SYAP1: variants seen among roughly 807,000 people sequenced by gnomAD.
SYAP1 encodes the protein synapse-associated protein 1.
Under a neutral mutation model 29.6 loss-of-function variants are expected in SYAP1, and 3 were observed. The ratio of observed to expected loss-of-function variants is 0.10; its 90% CI spans 0.05 to 0.26. The LOEUF (loss-of-function observed/expected upper bound fraction) is 0.26. Ranked by LOEUF, SYAP1 falls within the 10% of genes least tolerant of loss-of-function variation. The pLI is 1.00. For synonymous variants in SYAP1, 102 were observed against 102.7 expected, an observed-to-expected ratio of 0.99 and a Z score of 0.04; for missense variants, 217 against 264.1, an observed-to-expected ratio of 0.82 and a Z score of 1.24.
rs1464710049 is a variant in SYAP1 at position 16,762,089 on chromosome X, G to A, written c.*1730G>A. 1 of 112,190 alleles carries A rather than the reference G, an allele frequency of 8.9e-6. No homozygotes were observed. Among genetic ancestry groups the A allele is most frequent in the Non-Finnish European group, 1.9e-5 (1 of 53,300 alleles). The allele number at this position is 112,190 out of a possible 1,213,427, so 9.2% of individuals were successfully genotyped here. ...CACAGTTGCTTATTACTGAGTTTGG[G>A]TTCCAAGATGACTGGCAACTTCTGA... On this transcript the variant is annotated 3_prime_UTR_variant, in exon 9 of 9. Transcript: ENST00000380155.
At chrX:16,755,970 T>A (rs1299826770) in intron 6 of SYAP1, among the ~76,000 whole-genome samples, 1 of 111,875 alleles carries the variant, frequency 8.9e-6, no homozygotes, top group Admixed American at 9.6e-5. Context: ...GGACAGGATC[T>A]GACACTGCTG....
intron 5 of SYAP1, among the ~76,000 whole-genome samples, chrX:16,747,273 G>T (rs923427207): frequency 8.9e-6 from 1 of 111,868 alleles, no homozygotes; most frequent in African/African-American, 3.3e-5. Context: ...TGAAGAGTTT[G>T]TATATATAAT....
chrX:16,756,596 C>A, intron 6 of SYAP1, 67 bp from the exon 7 acceptor site: 2 of 909,565 alleles, frequency 2.2e-6, no homozygotes, highest in Non-Finnish European at 3.2e-6. Flanking sequence ...GGATATTTTA[C>A]TGTGATTATA....
intron 5 of SYAP1, among the ~76,000 whole-genome samples, chrX:16,750,451 C>G (rs561220598): frequency 9.0e-6 from 1 of 111,673 alleles, no homozygotes; most frequent in Middle Eastern, 4.6e-3. Flanking sequence ...CTGTGACCAT[C>G]TATGATGGCA....
chrX:16,760,471 C>A lies in SYAP1; in HGVS notation c.*112C>A. 2.5e-6 allele frequency: 2 copies of A among 790,396 alleles called. No individual in the cohort carries two copies. Among genetic ancestry groups the A allele is most frequent in the Non-Finnish European group, 3.4e-6 (2 of 587,626 alleles). 65.1% of individuals were successfully genotyped at this position (790,396 alleles called of 1,213,427 possible). On this transcript the variant is annotated 3_prime_UTR_variant, in exon 9 of 9. Coordinates refer to ENST00000380155, the MANE Select transcript of SYAP1 (RefSeq NM_032796.4). ...TGAAAGAGTATAATTTTATGAAATT[C>A]AAAATTATTCTTTTTTCAAGTTGAA...
chrX:16,720,109 T>C (rs1416761309), intron 1 of SYAP1, among the ~76,000 whole-genome samples: 1 of 111,908 alleles, frequency 8.9e-6, no homozygotes, highest in East Asian at 2.8e-4. Flanking sequence ...AGTCAGGTCC[T>C]GTCCCTGAAG....
rs779172555 is a variant in SYAP1, at chrX:16,748,847, C to T, written c.575+5007C>T. ...TCGGCTCACTGCAACCTCCACCTCC[C>T]GGGTTCTAGCGATTCTCCTGTGCCT... On this transcript the variant is annotated intron_variant, in intron 5 of 8. Transcript: ENST00000380155. Among the ~76,000 whole-genome samples, 6 of 108,857 alleles carry T rather than the reference C, an allele frequency of 5.5e-5. No individual in the cohort carries two copies. In the South Asian group the frequency reaches 1.2e-3, roughly 22 times the overall value. 94.5% of individuals were successfully genotyped at this position (108,857 alleles called of 115,157 possible). A position where few individuals can be genotyped will look rare whatever the true frequency, so the allele number is the denominator to read the frequency against.
intron 1 of SYAP1, among the ~76,000 whole-genome samples, chrX:16,722,266 C>T (rs1018734539): frequency 1.8e-5 from 2 of 111,589 alleles, no homozygotes; most frequent in Non-Finnish European, 3.8e-5. Flanking sequence ...CGGTGGCTCA[C>T]GCCTATAATC....
chrX:16,731,419 A>G (rs1336557653), intron 1 of SYAP1, among the ~76,000 whole-genome samples: 3 of 111,832 alleles, frequency 2.7e-5, no homozygotes, highest in Non-Finnish European at 5.6e-5. Flanking sequence ...GATCTGCCGT[A>G]ACTGACTCCA....
At chrX:16,754,727 C>CA (rs34569073) in intron 5 of SYAP1, among the ~76,000 whole-genome samples, 142 of 102,311 alleles carry the variant, frequency 1.4e-3, no homozygotes, top group African/African-American at 4.4e-3. Context: ...GACTCCGTGT[C>CA]AAAAAAAAAA....
chrX:16,756,676 C>T lies in SYAP1; in HGVS notation c.738C>T (p.Pro246=), dbSNP rs1483338270. Residue 246 remains proline, a synonymous_variant, in exon 7 of 9, where the codon CCC becomes CCT. Transcript: ENST00000380155. ...CTCACTTCTTAGAGGCAGTACGGCC[C>T]AAAACGCCACCCGTTGTAATCAAAT... ...QDLPLAEAVR[P]KTPPVVIKSQ... 2 of 1,209,557 alleles carry T rather than the reference C, an allele frequency of 1.7e-6. No homozygotes were observed. Among genetic ancestry groups the T allele is most frequent in the African/African-American group, 3.5e-5 (2 of 57,206 alleles).
chrX:16,736,412 A>C (rs941949248), intron 3 of SYAP1, 180 bp downstream of exon 3: 4 of 381,410 alleles, frequency 1.0e-5, no homozygotes, highest in Non-Finnish European at 1.4e-5. Flanking sequence ...AAAGGAAGGG[A>C]CTAGATTGTT....
chrX:16,759,410 A>G (rs1289956763), intron 8 of SYAP1, among the ~76,000 whole-genome samples: 3 of 111,234 alleles, frequency 2.7e-5, no homozygotes, highest in African/African-American at 6.5e-5. Flanking sequence ...TACTTTTTAA[A>G]TAGCCAGTTT....
intron 5 of SYAP1, among the ~76,000 whole-genome samples, chrX:16,746,312 C>G (rs1236927276): frequency 6.6e-5 from 7 of 106,589 alleles, no homozygotes; most frequent in Non-Finnish European, 1.2e-4. Flanking sequence ...TCTCGGCTCA[C>G]TGCAACCTCC....
intron 5 of SYAP1, among the ~76,000 whole-genome samples, chrX:16,753,659 G>A (rs945287953): frequency 9.1e-6 from 1 of 110,429 alleles, no homozygotes; most frequent in African/African-American, 3.3e-5. Context: ...TTGCCATTGG[G>A]GTGCCACTGC....
chrX:16,729,104 A>C (rs541357201), intron 1 of SYAP1, among the ~76,000 whole-genome samples: 1 of 111,171 alleles, frequency 9.0e-6, no homozygotes, highest in South Asian at 3.8e-4. Flanking sequence ...GGCACACAAT[A>C]ATTTAACATA....
rs373607025 is a variant in SYAP1 at position 16,750,955 on chromosome X, C to T, written c.576-3990C>T. 6.5e-5 allele frequency among the ~76,000 whole-genome samples: 7 copies of T among 107,452 alleles called. 1 individual carries two copies. The South Asian group carries it at 2.6e-3, about 40-fold the overall frequency. The allele number at this position is 107,452 out of a possible 115,157, so 93.3% of individuals were successfully genotyped here. On this transcript the variant is annotated intron_variant, in intron 5 of 8. Coordinates refer to ENST00000380155, the MANE Select transcript of SYAP1 (RefSeq NM_032796.4). The stretch of plus-strand genomic sequence containing the variant: ...GCTAATTTTGTATTTTTAGTAGAGA[C>T]GGGGTTTCACCATGTTGCCTAGGCT...
intron 5 of SYAP1, among the ~76,000 whole-genome samples, chrX:16,745,107 C>T (rs1926567239): frequency 8.9e-6 from 1 of 112,536 alleles, no homozygotes; most frequent in Admixed American, 9.4e-5. Flanking sequence ...GGTACATGGC[C>T]GCTGAATGTG....
At chrX:16,754,722 C>G (rs1378803431) in intron 5 of SYAP1, among the ~76,000 whole-genome samples, 1 of 108,873 alleles carries the variant, frequency 9.2e-6, no homozygotes, top group South Asian at 4.0e-4. Context: ...AGCAAGACTC[C>G]GTGTCAAAAA....
Sources: gnomAD v4.1 joint callset for allele counts (sites outside exome capture counted in the v4.1 genomes callset) on GRCh38, gnomAD v4.1.1 for gene constraint, MANE v1.5 for transcripts, NCBI Gene and HGNC (gene_info 2026-07-23, HGNC 2026-07-21) for gene names.